Variants in INPP4B observed in about 807,000 individuals in gnomAD.
The protein encoded by INPP4B is inositol polyphosphate 4-phosphatase type II.
INPP4B carries 55 observed loss-of-function variants against 122.5 expected under a neutral mutation model. That is an observed-to-expected ratio of 0.45 (90% CI 0.36 to 0.56). The LOEUF is 0.56. INPP4B is among the 20% of genes least tolerant of loss of function. The pLI is 0.00. For synonymous variants in INPP4B, 403 were observed against 388.7 expected, an observed-to-expected ratio of 1.04 and a Z score of -0.43; for missense variants, 1,000 against 1,097.7, an observed-to-expected ratio of 0.91 and a Z score of 1.26.
At chr4:142,659,257 T>A (rs1397674564) in intron 2 of INPP4B, among the ~76,000 whole-genome samples, 1 of 150,298 alleles carries the variant, frequency 6.7e-6, no homozygotes, top group African/African-American at 2.5e-5. Flanking sequence ...AAAAAAAAAA[T>A]TAGCCAGGCG....
chr4:142,738,100 C>T (rs914934423), intron 1 of INPP4B, among the ~76,000 whole-genome samples: 79 of 152,270 alleles, frequency 5.2e-4, no homozygotes, highest in Middle Eastern at 3.4e-3. Flanking sequence ...CCAGCCATCC[C>T]ATTACTGGGT....
intron 2 of INPP4B, among the ~76,000 whole-genome samples, chr4:142,638,884 C>G (rs1749758578): frequency 6.6e-6 from 1 of 152,098 alleles, no homozygotes; most frequent in African/African-American, 2.4e-5. Flanking sequence ...CTCGTTTTCA[C>G]CATTAAGTAT....
At chr4:142,769,019 G>A (rs1453244022) in intron 1 of INPP4B, among the ~76,000 whole-genome samples, 1 of 152,112 alleles carries the variant, frequency 6.6e-6, no homozygotes, top group East Asian at 1.9e-4. Flanking sequence ...GTGAAGATCT[G>A]AACTAATCTG....
At chr4:142,553,871 C>T (rs1248380958) in intron 2 of INPP4B, among the ~76,000 whole-genome samples, 1 of 152,150 alleles carries the variant, frequency 6.6e-6, no homozygotes. Context: ...TGAATGGCTG[C>T]ACCGTCAGTC....
At chr4:142,102,270 C>A (rs532977511) in intron 23 of INPP4B, among the ~76,000 whole-genome samples, 3 of 151,778 alleles carry the variant, frequency 2.0e-5, no homozygotes, top group African/African-American at 7.3e-5. Flanking sequence ...ATAAATTGTG[C>A]CCTATTAACT....
At chr4:142,455,619 G>A (rs931980704) in intron 3 of INPP4B, among the ~76,000 whole-genome samples, 2 of 152,006 alleles carry the variant, frequency 1.3e-5, no homozygotes, top group African/African-American at 4.8e-5. Flanking sequence ...ACAAACATGG[G>A]AATGCAGATA....
intron 7 of INPP4B, among the ~76,000 whole-genome samples, chr4:142,334,619 C>G (rs752779045): frequency 3.8e-4 from 58 of 152,122 alleles, no homozygotes; most frequent in Non-Finnish European, 6.2e-4. Flanking sequence ...CACTTGTTAT[C>G]TCATGTCTTT....
intron 15 of INPP4B, among the ~76,000 whole-genome samples, chr4:142,187,049 G>A (rs1173457770): frequency 6.6e-6 from 1 of 151,384 alleles, no homozygotes; most frequent in Non-Finnish European, 1.5e-5. Flanking sequence ...GAACAGTTAA[G>A]AGCTGAGAGT....
At chr4:142,363,974 T>C (rs1786464976) in intron 7 of INPP4B, among the ~76,000 whole-genome samples, 1 of 151,694 alleles carries the variant, frequency 6.6e-6, no homozygotes, top group Non-Finnish European at 1.5e-5. Flanking sequence ...GTTCCATCGA[T>C]TTGGGAAACA....
intron 14 of INPP4B, among the ~76,000 whole-genome samples, chr4:142,197,080 C>T (rs1354875416): frequency 1.5e-5 from 2 of 137,902 alleles, no homozygotes; most frequent in African/African-American, 2.7e-5. Context: ...GAGCCGAGAT[C>T]GCGCCATTGC....
intron 2 of INPP4B, among the ~76,000 whole-genome samples, chr4:142,626,780 C>T (rs932337671): frequency 1.2e-4 from 19 of 152,120 alleles, no homozygotes; most frequent in Non-Finnish European, 1.3e-4. Flanking sequence ...TCCTAACTAG[C>T]TCCACCAAAA....
intron 25 of INPP4B, among the ~76,000 whole-genome samples, chr4:142,031,154 G>A (rs1310114557): frequency 6.6e-6 from 1 of 152,096 alleles, no homozygotes; most frequent in Non-Finnish European, 1.5e-5. Context: ...GATATAAATT[G>A]AAAATAAAAT....
At chr4:142,131,331 GAA>G (rs1441751430) in intron 18 of INPP4B, among the ~76,000 whole-genome samples, 1 of 152,188 alleles carries the variant, frequency 6.6e-6, no homozygotes, top group East Asian at 1.9e-4. Flanking sequence ...TGAGTTGACT[GAA>G]TCCTTATCAG....
At chr4:142,296,256 C>A (rs1758648977) in intron 9 of INPP4B, among the ~76,000 whole-genome samples, 1 of 151,844 alleles carries the variant, frequency 6.6e-6, no homozygotes, top group Non-Finnish European at 1.5e-5. Context: ...CATGGTCATA[C>A]CTACAGCTTT....
In INPP4B at chr4:142,554,551, A is replaced by G. The variant is rs186339565; in HGVS notation, c.-190-91825T>C. On this transcript the variant is annotated intron_variant, in intron 2 of 25. Transcript: ENST00000262992. ...GAAAGGCAAGCTTAACTACTGGACA[A>G]GGTACTGTGAGATTTGTTTTCGCTT... Among the ~76,000 whole-genome samples the G allele has an allele frequency of 6.0e-4, 91 of 152,214 alleles. 2 individuals carry two copies. The highest frequency in any genetic ancestry group is 1.9e-3 in the African/African-American group (79 of 41,536).
intron 2 of INPP4B, among the ~76,000 whole-genome samples, chr4:142,575,471 T>C (rs547743449): frequency 3.3e-5 from 5 of 152,166 alleles, no homozygotes; most frequent in Admixed American, 1.3e-4. Flanking sequence ...TACCTTACTA[T>C]CTGTCTCATA....
intron 25 of INPP4B, among the ~76,000 whole-genome samples, chr4:142,078,432 A>G (rs1211809877): frequency 6.6e-6 from 1 of 152,042 alleles, no homozygotes; most frequent in Non-Finnish European, 1.5e-5. Context: ...ATAGGACCCG[A>G]AAGTTTTAGA....
intron 2 of INPP4B, among the ~76,000 whole-genome samples, chr4:142,536,128 T>A (rs1560770053): frequency 6.6e-6 from 1 of 152,158 alleles, no homozygotes; most frequent in Non-Finnish European, 1.5e-5. Flanking sequence ...AATTGCCCAA[T>A]TTTTAGGGGG....
At chr4:142,340,042 G>A (rs1236263679) in intron 7 of INPP4B, among the ~76,000 whole-genome samples, 1 of 152,068 alleles carries the variant, frequency 6.6e-6, no homozygotes, top group East Asian at 1.9e-4. Context: ...GAAAAGCTGT[G>A]TTGTTTTCAT....
Sources: gnomAD v4.1 joint callset for allele counts (sites outside exome capture counted in the v4.1 genomes callset) on GRCh38, gnomAD v4.1.1 for gene constraint, MANE v1.5 for transcripts, NCBI Gene and HGNC (gene_info 2026-07-23, HGNC 2026-07-21) for gene names.